Variants in NDUFAF2 observed in about 807,000 individuals in gnomAD.
NDUFAF2 encodes the protein NADH dehydrogenase [ubiquinone] 1 alpha subcomplex assembly factor 2.
Under a neutral mutation model 22.8 loss-of-function variants are expected in NDUFAF2, and 13 were observed. The ratio of observed to expected loss-of-function variants is 0.57; its 90% CI spans 0.37 to 0.91. NDUFAF2 has a LOEUF of 0.91. NDUFAF2 is among the 40% of genes least tolerant of loss of function. NDUFAF2 has a pLI of 0.01. For missense variants in NDUFAF2, 162 were observed against 195.2 expected (o/e 0.83, Z 1.01); for synonymous variants, 53 against 64.2 (o/e 0.83, Z 0.84).
chr5:61,062,887 A>G (rs1752183111), intron 1 of NDUFAF2, among the ~76,000 whole-genome samples: 1 of 152,182 alleles, frequency 6.6e-6, no homozygotes, highest in Admixed American at 6.6e-5. Context: ...GCCAAGAGAG[A>G]CTGAGAAGAT....
chr5:61,142,750 C>G (rs1741077158), intron 3 of NDUFAF2, among the ~76,000 whole-genome samples: 1 of 152,194 alleles, frequency 6.6e-6, no homozygotes, highest in Admixed American at 6.5e-5. Flanking sequence ...CTAACCTAAG[C>G]TCTGTCACTT....
chr5:60,946,911 G>A (rs1750468018), intron 1 of NDUFAF2, among the ~76,000 whole-genome samples: 1 of 152,160 alleles, frequency 6.6e-6, no homozygotes, highest in Non-Finnish European at 1.5e-5. Flanking sequence ...TTTGAGTCTG[G>A]CTTGCTTCAC....
In NDUFAF2 at chr5:61,100,944, T is replaced by C. The variant is rs1357097828; in HGVS notation, c.258+1912T>C. 3.3e-5 allele frequency among the ~76,000 whole-genome samples: 5 copies of C among 152,116 alleles called. No homozygotes were observed. In the South Asian group the frequency reaches 6.2e-4, roughly 19 times the overall value. ...GATTAGAACCTGGAATATGGTCTTC[T>C]CCTTTCAATGCTTTCCCAAATTTTA... On this transcript the variant is annotated intron_variant, in intron 3 of 3. Coordinates refer to ENST00000296597, the MANE Select transcript of NDUFAF2 (RefSeq NM_174889.5).
intron 3 of NDUFAF2, among the ~76,000 whole-genome samples, chr5:61,100,674 T>G (rs2111769726): frequency 6.6e-6 from 1 of 152,220 alleles, no homozygotes; most frequent in Non-Finnish European, 1.5e-5. Context: ...CCACAGAACC[T>G]CAACTGAAAT....
intron 3 of NDUFAF2, among the ~76,000 whole-genome samples, chr5:61,103,305 C>T (rs904678009): frequency 1.3e-5 from 2 of 152,116 alleles, no homozygotes; most frequent in African/African-American, 4.8e-5. Context: ...AGTTTAATGT[C>T]TTCTCCTTCT....
At chr5:61,040,286 A>ACGCGCGCGCGCGCG (rs1323303366) in intron 1 of NDUFAF2, among the ~76,000 whole-genome samples, 119 of 93,072 alleles carry the variant, frequency 1.3e-3, no homozygotes, top group East Asian at 4.3e-3. Flanking sequence ...ACACACACAC[A>ACGCGCGCGCGCGCG]CGCGCGCGCG....
At chr5:60,949,129 T>C (rs1049244236) in intron 1 of NDUFAF2, among the ~76,000 whole-genome samples, 4 of 152,222 alleles carry the variant, frequency 2.6e-5, no homozygotes, top group Non-Finnish European at 2.9e-5. Flanking sequence ...ATGTGATTCA[T>C]GTAACCAACA....
intron 1 of NDUFAF2, among the ~76,000 whole-genome samples, chr5:61,038,334 G>A (rs906420781): frequency 1.4e-4 from 21 of 152,050 alleles, no homozygotes; most frequent in African/African-American, 5.1e-4. Context: ...GCAAATAATT[G>A]TGCATTATTA....
At chr5:60,965,115 T>G (rs1750737481) in intron 1 of NDUFAF2, among the ~76,000 whole-genome samples, 2 of 152,172 alleles carry the variant, frequency 1.3e-5, no homozygotes, top group African/African-American at 4.8e-5. Context: ...ATTTTTCAAC[T>G]AGGTCTAGGA....
intron 1 of NDUFAF2, among the ~76,000 whole-genome samples, chr5:60,992,993 CCA>C (rs1751180750): frequency 6.6e-6 from 1 of 152,194 alleles, no homozygotes; most frequent in Non-Finnish European, 1.5e-5. Context: ...TGGTCTCGTT[CCA>C]CACACTGGAC....
At chr5:61,090,724 G>C (rs1005070344) in intron 2 of NDUFAF2, among the ~76,000 whole-genome samples, 1 of 152,042 alleles carries the variant, frequency 6.6e-6, no homozygotes, top group Non-Finnish European at 1.5e-5. Flanking sequence ...TACATATGCA[G>C]GTTTGTTACA....
intron 1 of NDUFAF2, among the ~76,000 whole-genome samples, chr5:61,004,903 G>C (rs2112593213): frequency 6.6e-6 from 1 of 151,532 alleles, no homozygotes; most frequent in Admixed American, 6.6e-5. Flanking sequence ...CACTTCAACA[G>C]GGCTTGTAAA....
chr5:60,978,345 C>T (rs1750930685), intron 1 of NDUFAF2, among the ~76,000 whole-genome samples: 1 of 152,132 alleles, frequency 6.6e-6, no homozygotes, highest in South Asian at 2.1e-4. Context: ...AAAGAAATAC[C>T]TGAGACTGGG....
rs138254352 is a variant in NDUFAF2 at position 61,067,196 on chromosome 5, A to G, written c.128-5929A>G. On this transcript the variant is annotated intron_variant, in intron 1 of 3. Coordinates refer to ENST00000296597, the MANE Select transcript of NDUFAF2 (RefSeq NM_174889.5). ...TATTATGCTTTAAGTTTTAGGGTACATGTGCACAACGTGCAGGTTTGTTAC... is the reference window on the plus strand; with the variant it reads ...TATTATGCTTTAAGTTTTAGGGTACGTGTGCACAACGTGCAGGTTTGTTAC... 6.3e-4 allele frequency among the ~76,000 whole-genome samples: 96 copies of G among 152,108 alleles called. 2 individuals are homozygous for G. The East Asian group carries it at 0.015, about 24-fold the overall frequency.
chr5:61,091,809 C>T (rs766851773), intron 2 of NDUFAF2, among the ~76,000 whole-genome samples: 3 of 152,080 alleles, frequency 2.0e-5, no homozygotes, highest in Non-Finnish European at 4.4e-5. Flanking sequence ...AAGTTGTCTT[C>T]CGAGGTTTTG....
rs867283342 is a variant in NDUFAF2, at chr5:60,948,560, T to A, written c.127+3178T>A. Among the ~76,000 whole-genome samples, 64 of 151,736 alleles carry A rather than the reference T, an allele frequency of 4.2e-4. 1 individual carries two copies. In the East Asian group the frequency reaches 0.013, roughly 30 times the overall value. On this transcript the variant is annotated intron_variant, in intron 1 of 3. Transcript: ENST00000296597. ...TACAGCACATATTCTGCTTTTTTTT[T>A]TTTTTGTTTTTTAGGTTCTTCACTC...
intron 1 of NDUFAF2, among the ~76,000 whole-genome samples, chr5:61,002,011 A>G (rs1218107398): frequency 6.6e-6 from 1 of 152,144 alleles, no homozygotes; most frequent in Non-Finnish European, 1.5e-5. Context: ...GTGGCAGTGT[A>G]GGGTGGTGCA....
chr5:61,090,848 C>T (rs1228175415), intron 2 of NDUFAF2, among the ~76,000 whole-genome samples: 1 of 152,094 alleles, frequency 6.6e-6, no homozygotes, highest in Non-Finnish European at 1.5e-5. Flanking sequence ...CCATCCTCCA[C>T]CCTCCAATAG....
intron 2 of NDUFAF2, among the ~76,000 whole-genome samples, chr5:61,093,465 G>A (rs1309306880): frequency 6.6e-6 from 1 of 152,158 alleles, no homozygotes; most frequent in Non-Finnish European, 1.5e-5. Context: ...TTTTTAACAT[G>A]AAGGGATGCT....
Sources: allele counts gnomAD v4.1 joint callset (sites outside exome capture counted in the v4.1 genomes callset), GRCh38; gene constraint gnomAD v4.1.1; transcripts MANE v1.5; gene names NCBI Gene and HGNC (gene_info 2026-07-23, HGNC 2026-07-21).